CHLSN: variants seen among roughly 807,000 people sequenced by gnomAD.
CHLSN encodes protein cholesin.
the CHLSN span, chr7:1,057,684 G>A: frequency 1.3e-6 from 1 of 773,176 alleles, no homozygotes; most frequent in Non-Finnish European, 2.4e-6. Context: ...ACACAGCAAG[G>A]CCAGCATGAC....
chr7:988,256 G>A, the CHLSN span: 1 of 1,561,002 alleles, frequency 6.4e-7, no homozygotes, highest in South Asian at 1.2e-5. Context: ...CCCTCTCTCT[G>A]TGCCCCGGCT....
the CHLSN span, among the ~76,000 whole-genome samples, chr7:1,095,692 C>T: frequency 6.6e-6 from 1 of 152,244 alleles, no homozygotes; most frequent in Non-Finnish European, 1.5e-5. Context: ...GTCCCCACCA[C>T]ACCAAGGAGG....
the CHLSN span, among the ~76,000 whole-genome samples, chr7:1,108,234 G>C: frequency 1.7e-5 from 2 of 119,696 alleles, no homozygotes; most frequent in Non-Finnish European, 3.5e-5. Context: ...CGCACCCCGG[G>C]GGGGAAGCAG....
At chr7:1,036,325 G>A in the CHLSN span, among the ~76,000 whole-genome samples, 2 of 151,552 alleles carry the variant, frequency 1.3e-5, no homozygotes, top group Non-Finnish European at 2.9e-5. Context: ...CAGGGTTCGG[G>A]TGCTCGTGCT....
chr7:1,007,790 A>G, the CHLSN span, among the ~76,000 whole-genome samples: 3 of 152,122 alleles, frequency 2.0e-5, no homozygotes, highest in Non-Finnish European at 1.5e-5. Context: ...GGAAGGTCCC[A>G]GAGGGGGAGA....
the CHLSN span, among the ~76,000 whole-genome samples, chr7:1,064,569 C>T: frequency 6.6e-6 from 1 of 152,198 alleles, no homozygotes; most frequent in Non-Finnish European, 1.5e-5. Context: ...CCGAGCTGAC[C>T]TCACACAGGA....
chr7:1,000,414 CCGCCGTG>C, the CHLSN span: 2 of 1,139,716 alleles, frequency 1.8e-6, no homozygotes, highest in East Asian at 5.6e-5. Context: ...CGTGCCTGCC[CCGCCGTG>C]CACAGACCTC....
chr7:1,091,750 C>T, the CHLSN span: 29 of 1,535,318 alleles, frequency 1.9e-5, no homozygotes, highest in Middle Eastern at 1.8e-4. Context: ...TTCCCAAGCC[C>T]GGGGCGTGGG....
the CHLSN span, among the ~76,000 whole-genome samples, chr7:1,069,161 G>A: frequency 1.3e-5 from 2 of 152,080 alleles, no homozygotes; most frequent in Admixed American, 1.3e-4. Context: ...GAGAAACCCC[G>A]TCTGTACTAA....
At chr7:1,006,955 T>C in the CHLSN span, among the ~76,000 whole-genome samples, 2 of 152,136 alleles carry the variant, frequency 1.3e-5, no homozygotes, top group African/African-American at 2.4e-5. Flanking sequence ...GCCCAGGGTA[T>C]GGTCACAGGT....
the CHLSN span, among the ~76,000 whole-genome samples, chr7:1,113,209 CTT>C: frequency 6.9e-6 from 1 of 145,250 alleles, no homozygotes. Context: ...GCCCCTCATG[CTT>C]TTTTTTTTTT....
chr7:1,074,281 A>C, the CHLSN span, among the ~76,000 whole-genome samples: 2 of 20,192 alleles, frequency 9.9e-5, no homozygotes, highest in Admixed American at 1.1e-3. Context: ...CCCGGCCCCC[A>C]TCCCGCTGCC....
the CHLSN span, chr7:984,566 G>T: frequency 1.1e-5 from 17 of 1,561,594 alleles, no homozygotes; most frequent in Non-Finnish European, 1.5e-5. Context: ...CTCATCCAGC[G>T]AGGTGGAGGT....
At chr7:992,991 T>A in the CHLSN span, among the ~76,000 whole-genome samples, 1 of 152,128 alleles carries the variant, frequency 6.6e-6, no homozygotes, top group African/African-American at 2.4e-5. Context: ...TCCTGCTGCA[T>A]AACAAGCGGG....
At chr7:1,077,539 T>G in the CHLSN span, among the ~76,000 whole-genome samples, 4 of 152,228 alleles carry the variant, frequency 2.6e-5, no homozygotes, top group African/African-American at 9.6e-5. Context: ...CAGGTCCTAT[T>G]TGAAGTTGCT....
At chr7:1,036,828 G>A in the CHLSN span, among the ~76,000 whole-genome samples, 4 of 148,452 alleles carry the variant, frequency 2.7e-5, no homozygotes, top group East Asian at 1.9e-4. Context: ...AAAGCCAGAC[G>A]GCCAAGCGTG....
chr7:1,028,258 C>A, the CHLSN span: 2 of 1,095,568 alleles, frequency 1.8e-6, no homozygotes, highest in Non-Finnish European at 2.2e-6. Context: ...GCGCACTGAC[C>A]TCTGACCCGG....
the CHLSN span, chr7:1,026,378 G>A: frequency 6.6e-6 from 1 of 152,274 alleles, no homozygotes; most frequent in African/African-American, 2.4e-5. Context: ...GCACGGCAGT[G>A]CTTCTGTGTC....
the CHLSN span, chr7:1,058,605 G>A: frequency 9.3e-6 from 6 of 644,370 alleles, no homozygotes; most frequent in East Asian, 1.6e-4. Flanking sequence ...TCCAGAAGGA[G>A]ACGAGCTGCT....
Sources: allele counts gnomAD v4.1 joint callset (sites outside exome capture counted in the v4.1 genomes callset), GRCh38; gene constraint gnomAD v4.1.1; transcripts MANE v1.5; gene names NCBI Gene and HGNC (gene_info 2026-07-23, HGNC 2026-07-21).